Variants in LUZP2 observed in about 807,000 individuals in gnomAD.
The protein encoded by LUZP2 is leucine zipper protein 2.
A neutral mutation model predicts 51.6 loss-of-function variants in LUZP2; 52 were observed. The observed-to-expected ratio is 1.01, with a 90% CI of 0.81 to 1.27. The LOEUF is 1.27. Among genes scored for constraint, LUZP2 ranks in the 50% most tolerant of loss-of-function variants. The pLI is 0.00. For missense variants in LUZP2, 436 were observed against 395.4 expected, an observed-to-expected ratio of 1.10 and a Z score of -0.87; for synonymous variants, 154 against 137.3, an observed-to-expected ratio of 1.12 and a Z score of -0.85.
At chr11:24,958,404 T>C (rs1353416884) in intron 7 of LUZP2, among the ~76,000 whole-genome samples, 3 of 152,062 alleles carry the variant, frequency 2.0e-5, no homozygotes, top group Non-Finnish European at 2.9e-5. Flanking sequence ...CCACATCCTC[T>C]CCAGCACCTG....
At chr11:25,014,984 C>A (rs1433355166) in intron 9 of LUZP2, among the ~76,000 whole-genome samples, 4 of 152,082 alleles carry the variant, frequency 2.6e-5, no homozygotes. Context: ...GCCAGTTTCC[C>A]CAGCACCCTT....
At chr11:24,637,904 G>A (rs769857261) in intron 1 of LUZP2, among the ~76,000 whole-genome samples, 16 of 151,678 alleles carry the variant, frequency 1.1e-4, no homozygotes, top group Non-Finnish European at 1.5e-4. Flanking sequence ...CTTCCTGTTC[G>A]TACATCCCCT....
At chr11:24,715,313 G>A (rs533587153) in intron 1 of LUZP2, among the ~76,000 whole-genome samples, 30 of 146,094 alleles carry the variant, frequency 2.1e-4, no homozygotes, top group East Asian at 1.4e-3. Context: ...GTGTGCATGC[G>A]TATTTCTAAA....
At chr11:25,075,475 C>T (rs994620886) in intron 10 of LUZP2, among the ~76,000 whole-genome samples, 2 of 152,062 alleles carry the variant, frequency 1.3e-5, no homozygotes, top group African/African-American at 2.4e-5. Flanking sequence ...GATTATATAT[C>T]GACCACTTTT....
intron 1 of LUZP2, among the ~76,000 whole-genome samples, chr11:24,606,115 T>C (rs1303785837): frequency 1.3e-5 from 2 of 151,462 alleles, no homozygotes; most frequent in African/African-American, 4.9e-5. Flanking sequence ...TATATGCATA[T>C]GTATACATAT....
At chr11:24,788,068 A>G (rs1299163750) in intron 5 of LUZP2, among the ~76,000 whole-genome samples, 1 of 151,024 alleles carries the variant, frequency 6.6e-6, no homozygotes, top group African/African-American at 2.4e-5. Flanking sequence ...TAAATTCATT[A>G]TCAGTAATCT....
At chr11:24,997,612 T>C (rs1856547342) in intron 9 of LUZP2, among the ~76,000 whole-genome samples, 1 of 152,096 alleles carries the variant, frequency 6.6e-6, no homozygotes, top group African/African-American at 2.4e-5. Flanking sequence ...GTGCAGAAGC[T>C]CTTTAGTTTA....
chr11:24,584,391 T>C (rs925278), intron 1 of LUZP2, among the ~76,000 whole-genome samples: 149,006 of 152,288 alleles, frequency 0.98, 72,967 homozygotes, highest in South Asian at 1. Flanking sequence ...TATTTAATTA[T>C]GAGTTCTTGT....
intron 1 of LUZP2, among the ~76,000 whole-genome samples, chr11:24,623,056 C>G (rs754642068): frequency 6.6e-6 from 1 of 151,880 alleles, no homozygotes; most frequent in Non-Finnish European, 1.5e-5. Context: ...GTCCAGGCTT[C>G]GTACTGTAAA....
chr11:24,497,265 T>C lies in LUZP2; in HGVS notation c.22T>C (p.Tyr8His). 6.4e-7 allele frequency: 1 copy of C among 1,565,918 alleles called. No homozygotes were observed. Among genetic ancestry groups the C allele is most frequent in the Non-Finnish European group, 8.7e-7 (1 of 1,154,350 alleles). ...CAGCATGAAATTCAGCCCAGCGCAC[T>C]ACCTGCTGCCTCTCCTGCCTGCGCT... The part of the protein sequence containing the change: MKFSPAH[Y>H]LLPLLPALVL... Residue 8 changes from tyrosine (Y) to histidine (H), a missense_variant, in exon 1 of 12, where the codon TAC (tyrosine) becomes CAC (histidine). Tyr to His is a moderately conservative substitution (Grantham distance 83). Transcript: ENST00000336930.
chr11:24,497,169 G>T lies in LUZP2; in HGVS notation c.-75G>T. 4.4e-6 allele frequency: 6 copies of T among 1,371,264 alleles called. No individual in the cohort carries two copies. The highest frequency in any genetic ancestry group is 5.9e-6 in the Non-Finnish European group (6 of 1,011,372). The allele number at this position is 1,371,264 out of a possible 1,614,324, so 84.9% of individuals were successfully genotyped here. ...CATCACTGGCTGGGGACAGAGCCGG[G>T]CACCAAGGAGCGACAGGATCCCGAA... On this transcript the variant is annotated 5_prime_UTR_variant, in exon 1 of 12. Coordinates refer to ENST00000336930, the MANE Select transcript of LUZP2 (RefSeq NM_001009909.4).
chr11:24,670,337 G>A (rs1856363601), intron 1 of LUZP2, among the ~76,000 whole-genome samples: 2 of 151,974 alleles, frequency 1.3e-5, no homozygotes, highest in South Asian at 2.1e-4. Flanking sequence ...CATAATAACA[G>A]TCACAGCCAC....
chr11:25,033,629 T>C (rs969944420), intron 9 of LUZP2, among the ~76,000 whole-genome samples: 5 of 152,138 alleles, frequency 3.3e-5, no homozygotes, highest in African/African-American at 9.7e-5. Flanking sequence ...TGTATGTCCA[T>C]GTGTGCTCAG....
At chr11:24,793,167 T>C (rs1387603264) in intron 5 of LUZP2, among the ~76,000 whole-genome samples, 1 of 152,198 alleles carries the variant, frequency 6.6e-6, no homozygotes, top group Non-Finnish European at 1.5e-5. Flanking sequence ...AGGTTACCTT[T>C]TCTGGAATTT....
At chr11:24,684,066 C>T (rs1019511059) in intron 1 of LUZP2, among the ~76,000 whole-genome samples, 2 of 151,952 alleles carry the variant, frequency 1.3e-5, no homozygotes, top group African/African-American at 4.8e-5. Context: ...TGTTCTCCTC[C>T]CCTCAATTTC....
intron 9 of LUZP2, among the ~76,000 whole-genome samples, chr11:25,026,348 C>G (rs1270872815): frequency 6.6e-6 from 1 of 151,900 alleles, no homozygotes; most frequent in Non-Finnish European, 1.5e-5. Context: ...GAAGTTATAA[C>G]AGAAAATTTT....
At chr11:24,516,099 T>C (rs1214723681) in intron 1 of LUZP2, among the ~76,000 whole-genome samples, 3 of 149,784 alleles carry the variant, frequency 2.0e-5, no homozygotes, top group Non-Finnish European at 4.4e-5. Flanking sequence ...AAATTTCTTA[T>C]AGTAGATTTT....
chr11:24,852,751 T>C (rs531361719), intron 5 of LUZP2, among the ~76,000 whole-genome samples: 1 of 152,194 alleles, frequency 6.6e-6, no homozygotes, highest in African/African-American at 2.4e-5. Context: ...TGAATTTGGG[T>C]GCTCCTGTAT....
At chr11:24,892,202 G>T (rs540312476) in intron 5 of LUZP2, 12 of 985,346 alleles carry the variant, frequency 1.2e-5, no homozygotes, top group Non-Finnish European at 1.4e-5. Flanking sequence ...GTTGTGATCT[G>T]TGAGGAAAAA....
Sources: gnomAD v4.1 joint callset for allele counts (sites outside exome capture counted in the v4.1 genomes callset) on GRCh38, gnomAD v4.1.1 for gene constraint, MANE v1.5 for transcripts, NCBI Gene and HGNC (gene_info 2026-07-23, HGNC 2026-07-21) for gene names.